NPAS3: variants seen among roughly 807,000 people sequenced by gnomAD.
NPAS3 encodes the protein neuronal PAS domain-containing protein 3.
Under a neutral mutation model 73.1 loss-of-function variants are expected in NPAS3, and 14 were observed. That is an observed-to-expected ratio of 0.19 (90% CI 0.13 to 0.30). NPAS3 has a LOEUF of 0.30. NPAS3 is among the 10% of genes least tolerant of loss of function. NPAS3 has a pLI of 1.00. For synonymous variants in NPAS3, 620 were observed against 541.5 expected, an observed-to-expected ratio of 1.14 and a Z score of -2.01; for missense variants, 1,096 against 1,250.0, an observed-to-expected ratio of 0.88 and a Z score of 1.86.
chr14:33,165,700 CCT>C (rs1449639610), intron 2 of NPAS3, among the ~76,000 whole-genome samples: 1 of 151,756 alleles, frequency 6.6e-6, no homozygotes, highest in Non-Finnish European at 1.5e-5. Flanking sequence ...AAACTTACTT[CCT>C]CTCTTTTTTT....
At chr14:33,276,391 T>G (rs1371031568) in intron 3 of NPAS3, among the ~76,000 whole-genome samples, 4 of 152,122 alleles carry the variant, frequency 2.6e-5, no homozygotes, top group Non-Finnish European at 5.9e-5. Context: ...GGTAACCTTC[T>G]GCCATACCAG....
At chr14:33,199,041 G>T (rs2046502954) in intron 2 of NPAS3, among the ~76,000 whole-genome samples, 2 of 152,146 alleles carry the variant, frequency 1.3e-5, no homozygotes, top group Admixed American at 1.3e-4. Flanking sequence ...CAAGTGTGGG[G>T]CCCGCCGAGC....
intron 2 of NPAS3, among the ~76,000 whole-genome samples, chr14:33,102,950 C>A (rs1370155323): frequency 6.6e-6 from 1 of 152,136 alleles, no homozygotes; most frequent in African/African-American, 2.4e-5. Context: ...AGAACTATTA[C>A]CTTACAGTAT....
At chr14:33,653,201 C>G (rs2059048981) in intron 5 of NPAS3, among the ~76,000 whole-genome samples, 1 of 152,222 alleles carries the variant, frequency 6.6e-6, no homozygotes, top group East Asian at 1.9e-4. Context: ...AAGTAGGTCC[C>G]TGGACCTTGC....
intron 5 of NPAS3, among the ~76,000 whole-genome samples, chr14:33,563,537 C>CACACACACAG: frequency 7.5e-5 from 9 of 119,652 alleles, no homozygotes; most frequent in South Asian, 2.7e-4. Context: ...CACACACACA[C>CACACACACAG]AGAGAGAGAG....
At chr14:33,168,564 A>G (rs1246383500) in intron 2 of NPAS3, among the ~76,000 whole-genome samples, 1 of 152,192 alleles carries the variant, frequency 6.6e-6, no homozygotes, top group African/African-American at 2.4e-5. Flanking sequence ...ATCTTGTGTG[A>G]TAGCTCTCAA....
At chr14:33,772,381 G>T (rs951974938) in intron 7 of NPAS3, among the ~76,000 whole-genome samples, 2 of 152,258 alleles carry the variant, frequency 1.3e-5, no homozygotes, top group Admixed American at 6.5e-5. Context: ...TACCATGATG[G>T]CCACAGGCAA....
At chr14:33,169,303 C>T (rs1469491526) in intron 2 of NPAS3, among the ~76,000 whole-genome samples, 5 of 152,178 alleles carry the variant, frequency 3.3e-5, no homozygotes, top group Admixed American at 6.5e-5. Context: ...CACGATGGCT[C>T]ATGCCTGTAA....
intron 5 of NPAS3, among the ~76,000 whole-genome samples, chr14:33,675,310 C>T (rs2059729847): frequency 6.6e-6 from 1 of 152,148 alleles, no homozygotes; most frequent in South Asian, 2.1e-4. Flanking sequence ...CCAGTCCTTA[C>T]CAGCAACTTC....
intron 2 of NPAS3, among the ~76,000 whole-genome samples, chr14:33,095,846 T>C (rs935479342): frequency 2.7e-5 from 4 of 150,272 alleles, no homozygotes; most frequent in African/African-American, 9.8e-5. Flanking sequence ...TTTTTTGTAT[T>C]TTTTTTTAGT....
At chr14:33,763,782 G>C (rs74341100) in intron 7 of NPAS3, among the ~76,000 whole-genome samples, 7 of 151,498 alleles carry the variant, frequency 4.6e-5, no homozygotes, top group African/African-American at 1.7e-4. Flanking sequence ...GCAGCCTCTT[G>C]GGAATTGATC....
intron 2 of NPAS3, among the ~76,000 whole-genome samples, chr14:33,151,505 T>A (rs760029506): frequency 6.6e-6 from 1 of 152,216 alleles, no homozygotes; most frequent in Non-Finnish European, 1.5e-5. Context: ...TGTGTATGCC[T>A]AAAATATGCA....
chr14:33,315,657 A>T (rs1169730808), intron 3 of NPAS3, among the ~76,000 whole-genome samples: 2 of 151,894 alleles, frequency 1.3e-5, no homozygotes, highest in Non-Finnish European at 2.9e-5. Context: ...AGGGTAAGAG[A>T]TACAGTATAT....
chr14:33,257,352 C>T (rs916388202), intron 3 of NPAS3, among the ~76,000 whole-genome samples: 3 of 152,162 alleles, frequency 2.0e-5, no homozygotes, highest in Non-Finnish European at 4.4e-5. Flanking sequence ...TTCTCCAGGC[C>T]TTGGGCTTTA....
chr14:33,416,804 C>T (rs1051085582), intron 4 of NPAS3, among the ~76,000 whole-genome samples: 1 of 151,948 alleles, frequency 6.6e-6, no homozygotes, highest in East Asian at 1.9e-4. Context: ...ATGCTTTCTA[C>T]TTATGGACAT....
At chr14:33,185,936 A>G (rs1186485991) in intron 2 of NPAS3, among the ~76,000 whole-genome samples, 1 of 152,202 alleles carries the variant, frequency 6.6e-6, no homozygotes, top group Non-Finnish European at 1.5e-5. Flanking sequence ...GTGATTAAGA[A>G]TTGAACTTTC....
intron 4 of NPAS3, among the ~76,000 whole-genome samples, chr14:33,545,175 T>C (rs892043495): frequency 2.6e-5 from 4 of 152,102 alleles, no homozygotes; most frequent in Non-Finnish European, 5.9e-5. Flanking sequence ...TGAAACCTTA[T>C]CTCAGACATG....
At chr14:33,095,670 A>ATT (rs869237169) in intron 2 of NPAS3, among the ~76,000 whole-genome samples, 1 of 71,282 alleles carries the variant, frequency 1.4e-5, no homozygotes, top group Non-Finnish European at 3.5e-5. Flanking sequence ...TTATTTTTTT[A>ATT]TTTTTTTTTT....
At chr14:33,350,777 G>T (rs1268860012) in intron 3 of NPAS3, among the ~76,000 whole-genome samples, 3 of 152,106 alleles carry the variant, frequency 2.0e-5, no homozygotes, top group African/African-American at 7.2e-5. Context: ...TAATTTACTG[G>T]GTAGCTTTAC....
Sources: allele counts gnomAD v4.1 joint callset (sites outside exome capture counted in the v4.1 genomes callset), GRCh38; gene constraint gnomAD v4.1.1; transcripts MANE v1.5; gene names NCBI Gene and HGNC (gene_info 2026-07-23, HGNC 2026-07-21).